Variants in PTPRK observed in about 807,000 individuals in gnomAD.
PTPRK encodes the protein protein tyrosine phosphatase receptor type K.
In PTPRK, 75 loss-of-function variants were observed where a neutral mutation model predicts 178.0. That is an observed-to-expected ratio of 0.42 (90% CI 0.35 to 0.51). The LOEUF is 0.51. PTPRK is among the 20% of genes least tolerant of loss of function. The pLI, the probability that PTPRK is intolerant of heterozygous loss-of-function variation, is 0.02. For synonymous variants in PTPRK, 637 were observed against 620.6 expected (o/e 1.03, Z -0.39); for missense variants, 1,441 against 1,797.8 (o/e 0.80, Z 3.59).
chr6:128,155,135 G>C (rs1038410492), intron 7 of PTPRK, among the ~76,000 whole-genome samples: 5 of 151,760 alleles, frequency 3.3e-5, no homozygotes, highest in South Asian at 2.1e-4. Context: ...TCTTTGCTTA[G>C]TATTATTCAC....
chr6:128,455,712 A>G (rs1206732947), intron 1 of PTPRK, among the ~76,000 whole-genome samples: 1 of 152,142 alleles, frequency 6.6e-6, no homozygotes, highest in Non-Finnish European at 1.5e-5. Flanking sequence ...CTAATGTCTT[A>G]TGTAATATTT....
At chr6:128,124,256 C>A (rs576899971) in intron 7 of PTPRK, among the ~76,000 whole-genome samples, 3 of 152,056 alleles carry the variant, frequency 2.0e-5, no homozygotes, top group Non-Finnish European at 4.4e-5. Flanking sequence ...GTTGACCAGG[C>A]TGGTCTCAAA....
At chr6:128,445,470 T>G (rs1026290199) in intron 1 of PTPRK, among the ~76,000 whole-genome samples, 5 of 149,804 alleles carry the variant, frequency 3.3e-5, no homozygotes, top group African/African-American at 1.2e-4. Flanking sequence ...TCTAAAGAAC[T>G]TCCCTGAGAC....
intron 7 of PTPRK, among the ~76,000 whole-genome samples, chr6:128,172,793 A>G (rs1800490127): frequency 6.6e-6 from 1 of 151,888 alleles, no homozygotes; most frequent in Non-Finnish European, 1.5e-5. Flanking sequence ...ACGTGTGTAT[A>G]TGACATATAT....
chr6:128,518,946 GTT>G, intron 1 of PTPRK: 1 of 468,160 alleles, frequency 2.1e-6, no homozygotes, highest in Non-Finnish European at 4.4e-6. Flanking sequence ...AACAATTTGA[GTT>G]TATTTCCAGG....
Position 128,346,286 on chromosome 6 carries a change from T to C in PTPRK, c.224-23976A>G, listed in dbSNP as rs187691643. On this transcript the variant is annotated intron_variant, in intron 2 of 29. Coordinates refer to ENST00000368226, the MANE Select transcript of PTPRK (RefSeq NM_002844.4). The stretch of plus-strand genomic sequence containing the variant: ...GAATTTAAGTGACATGTAGAAAAAA[T>C]ATTAATATTCAAAGAAGGTAAATTT... 9.3e-4 allele frequency among the ~76,000 whole-genome samples: 142 copies of C among 152,030 alleles called. 1 individual carries two copies. Among genetic ancestry groups the C allele is most frequent in the African/African-American group, 3.3e-3 (138 of 41,500 alleles).
chr6:128,146,850 T>A (rs1040094257), intron 7 of PTPRK, among the ~76,000 whole-genome samples: 1 of 152,200 alleles, frequency 6.6e-6, no homozygotes, highest in African/African-American at 2.4e-5. Context: ...ATTAATACTT[T>A]AAAATCATTC....
intron 11 of PTPRK, 133 bp downstream of exon 11, chr6:128,078,680 T>C (rs1168191234): frequency 1.0e-5 from 5 of 497,448 alleles, no homozygotes; most frequent in African/African-American, 7.6e-5. Flanking sequence ...TATCATAGGT[T>C]TGCATATATA....
intron 1 of PTPRK, among the ~76,000 whole-genome samples, chr6:128,513,268 T>C (rs1857436494): frequency 6.6e-6 from 1 of 152,050 alleles, no homozygotes; most frequent in Non-Finnish European, 1.5e-5. Flanking sequence ...GAATATCACT[T>C]CAGCTCAGGA....
intron 1 of PTPRK, among the ~76,000 whole-genome samples, chr6:128,448,662 C>T (rs1375638653): frequency 6.6e-6 from 1 of 152,120 alleles, no homozygotes; most frequent in Admixed American, 6.5e-5. Flanking sequence ...TGGGATGAGA[C>T]AGAGACAAGA....
chr6:128,381,489 T>A (rs1239169625), intron 2 of PTPRK, among the ~76,000 whole-genome samples: 4 of 151,324 alleles, frequency 2.6e-5, no homozygotes, highest in South Asian at 2.1e-4. Flanking sequence ...TCCTTGCTTT[T>A]AAAAAAAAAG....
chr6:128,282,953 G>A (rs1421319130), intron 3 of PTPRK, among the ~76,000 whole-genome samples: 1 of 152,158 alleles, frequency 6.6e-6, no homozygotes, highest in Non-Finnish European at 1.5e-5. Flanking sequence ...TTAGAGGGCA[G>A]AATAAGTATA....
chr6:128,419,440 G>A (rs1211998327), intron 1 of PTPRK, among the ~76,000 whole-genome samples: 2 of 127,098 alleles, frequency 1.6e-5, no homozygotes, highest in Non-Finnish European at 3.3e-5. Context: ...GTGAAACCCC[G>A]TCTCTACTAA....
intron 7 of PTPRK, among the ~76,000 whole-genome samples, chr6:128,169,661 TTACACAAA>T (rs1315906072): frequency 1.3e-5 from 2 of 152,058 alleles, no homozygotes; most frequent in Admixed American, 1.3e-4. Flanking sequence ...GATTAAGACG[TTACACAAA>T]TAACTTTAAT....
At chr6:128,178,834 T>C (rs1011430845) in intron 7 of PTPRK, among the ~76,000 whole-genome samples, 9 of 151,960 alleles carry the variant, frequency 5.9e-5, no homozygotes, top group African/African-American at 1.4e-4. Flanking sequence ...TTAGATTATG[T>C]TATTATCCAT....
chr6:128,106,401 T>A (rs532164134), intron 7 of PTPRK, among the ~76,000 whole-genome samples: 1 of 152,220 alleles, frequency 6.6e-6, no homozygotes, highest in African/African-American at 2.4e-5. Flanking sequence ...AGCATTGAGT[T>A]TTGATTTTCA....
chr6:128,034,740 G>A (rs1212248634), intron 13 of PTPRK, among the ~76,000 whole-genome samples: 1 of 152,130 alleles, frequency 6.6e-6, no homozygotes, highest in African/African-American at 2.4e-5. Context: ...AAAAAGAAGG[G>A]TTAGACAATC....
At chr6:128,037,847 T>C (rs1349691426) in intron 13 of PTPRK, among the ~76,000 whole-genome samples, 1 of 152,208 alleles carries the variant, frequency 6.6e-6, no homozygotes, top group Non-Finnish European at 1.5e-5. Context: ...TATTTGTCCC[T>C]GTAATAGACT....
At chr6:128,407,537 G>T (rs1190824528) in intron 1 of PTPRK, among the ~76,000 whole-genome samples, 5 of 150,250 alleles carry the variant, frequency 3.3e-5, no homozygotes, top group Non-Finnish European at 7.4e-5. Context: ...TACTTGGGAG[G>T]CTGAGGCGGG....
Sources: gnomAD v4.1 joint callset for allele counts (sites outside exome capture counted in the v4.1 genomes callset) on GRCh38, gnomAD v4.1.1 for gene constraint, MANE v1.5 for transcripts, NCBI Gene and HGNC (gene_info 2026-07-23, HGNC 2026-07-21) for gene names.